Variants in STK33 observed in about 807,000 individuals in gnomAD.
STK33 encodes the protein serine/threonine-protein kinase 33.
In STK33, 52 loss-of-function variants were observed where a neutral mutation model predicts 58.0. That is an observed-to-expected ratio of 0.90 (90% CI 0.72 to 1.13). The LOEUF is 1.13. STK33 is among the 50% of genes most tolerant of loss of function. The pLI, the probability that STK33 is intolerant of heterozygous loss-of-function variation, is 0.00. For missense variants in STK33, 630 were observed against 604.2 expected (o/e 1.04, Z -0.45); for synonymous variants, 215 against 200.1 (o/e 1.07, Z -0.63).
the STK33 span, among the ~76,000 whole-genome samples, chr11:8,379,037 T>C: frequency 1.3e-5 from 2 of 151,964 alleles, no homozygotes; most frequent in African/African-American, 2.4e-5. Context: ...AAAACATAAA[T>C]TGGGGAAAGG....
At chr11:8,339,180 G>A in the STK33 span, among the ~76,000 whole-genome samples, 2 of 152,196 alleles carry the variant, frequency 1.3e-5, no homozygotes, top group Non-Finnish European at 2.9e-5. Context: ...CAAAGGAGGG[G>A]TTTGGGGAGC....
At chr11:8,530,340 C>T (rs1397249860) in intron 1 of STK33, among the ~76,000 whole-genome samples, 1 of 151,122 alleles carries the variant, frequency 6.6e-6, no homozygotes, top group Non-Finnish European at 1.5e-5. Flanking sequence ...AGTAAAAGCA[C>T]TCTAAAATAA....
At chr11:8,413,766 G>T (rs1054461825) in intron 14 of STK33, 74 bp from the exon 15 acceptor site, 17 of 1,322,304 alleles carry the variant, frequency 1.3e-5, no homozygotes, top group African/African-American at 2.9e-5. Flanking sequence ...CATTTAGCGA[G>T]ACAGTCTCCC....
intron 14 of STK33, among the ~76,000 whole-genome samples, chr11:8,422,461 AG>A (rs1590926372): frequency 6.6e-6 from 1 of 152,128 alleles, no homozygotes; most frequent in East Asian, 1.9e-4. Flanking sequence ...GCAGTTTAGA[AG>A]GTATAGTCTT....
At chr11:8,459,884 G>T (rs941604894) in intron 8 of STK33, among the ~76,000 whole-genome samples, 2 of 152,106 alleles carry the variant, frequency 1.3e-5, no homozygotes, top group African/African-American at 4.8e-5. Flanking sequence ...AGCTGGGGGG[G>T]AAATATGCAA....
intron 7 of STK33, among the ~76,000 whole-genome samples, chr11:8,462,587 C>T (rs904924750): frequency 3.3e-5 from 5 of 150,976 alleles, no homozygotes; most frequent in South Asian, 4.2e-4. Flanking sequence ...GGGAGAGAGA[C>T]GGAAAGAGAG....
intron 6 of STK33, among the ~76,000 whole-genome samples, chr11:8,470,668 A>C (rs1948693242): frequency 6.6e-6 from 1 of 152,102 alleles, no homozygotes; most frequent in African/African-American, 2.4e-5. Context: ...TCTTCCTTTC[A>C]CTTAAAACAC....
intron 1 of STK33, among the ~76,000 whole-genome samples, chr11:8,485,128 C>T (rs1950111155): frequency 6.6e-6 from 1 of 152,130 alleles, no homozygotes; most frequent in South Asian, 2.1e-4. Flanking sequence ...CTGAAAGCTA[C>T]TTTTGTTGAA....
At chr11:8,509,042 G>T (rs1029766927) in intron 1 of STK33, among the ~76,000 whole-genome samples, 1 of 151,480 alleles carries the variant, frequency 6.6e-6, no homozygotes, top group Non-Finnish European at 1.5e-5. Flanking sequence ...CTTGAGCCCA[G>T]GAGGCGGAGG....
chr11:8,564,141 G>C (rs1230866075), intron 1 of STK33, among the ~76,000 whole-genome samples: 2 of 152,174 alleles, frequency 1.3e-5, no homozygotes, highest in Non-Finnish European at 2.9e-5. Flanking sequence ...AATCAAGAGT[G>C]TAAAGTAGCA....
At chr11:8,431,722 T>G (rs2136171596) in intron 14 of STK33, among the ~76,000 whole-genome samples, 1 of 152,328 alleles carries the variant, frequency 6.6e-6, no homozygotes, top group Admixed American at 6.5e-5. Context: ...ATTAATAATT[T>G]CTTTAAGAGC....
chr11:8,362,128 CT>C, the STK33 span, among the ~76,000 whole-genome samples: 1 of 152,134 alleles, frequency 6.6e-6, no homozygotes, highest in East Asian at 1.9e-4. Context: ...GCAGCAGAGG[CT>C]TGGGAAGGGA....
intron 1 of STK33, among the ~76,000 whole-genome samples, chr11:8,506,783 A>C (rs1241591885): frequency 6.6e-6 from 1 of 152,076 alleles, no homozygotes; most frequent in East Asian, 1.9e-4. Flanking sequence ...TTTCCCTCTT[A>C]TATTTGTCAA....
chr11:8,345,636 G>C, the STK33 span, among the ~76,000 whole-genome samples: 1 of 152,352 alleles, frequency 6.6e-6, no homozygotes, highest in East Asian at 1.9e-4. Context: ...ACCTGTGTGG[G>C]GGACAGGCAG....
At chr11:8,493,595 T>G (rs1460656964) in intron 1 of STK33, among the ~76,000 whole-genome samples, 1 of 152,198 alleles carries the variant, frequency 6.6e-6, no homozygotes, top group Admixed American at 6.5e-5. Context: ...TAACTCATTT[T>G]ATGAGGCCAG....
intron 2 of STK33, among the ~76,000 whole-genome samples, chr11:8,479,517 G>C (rs557546423): frequency 6.6e-6 from 1 of 151,468 alleles, no homozygotes; most frequent in Admixed American, 6.6e-5. Context: ...CTTCCCTGTT[G>C]ATATCAGTCT....
chr11:8,583,846 T>C (rs1183279382), intron 1 of STK33, among the ~76,000 whole-genome samples: 1 of 152,146 alleles, frequency 6.6e-6, no homozygotes, highest in Non-Finnish European at 1.5e-5. Context: ...GAATGAAACA[T>C]TTGAGACAAT....
At chr11:8,540,986 CTCTCTCTCTATA>C (rs1955465892) in intron 1 of STK33, among the ~76,000 whole-genome samples, 1 of 138,296 alleles carries the variant, frequency 7.2e-6, no homozygotes, top group Non-Finnish European at 1.6e-5. Context: ...CTCTCTCTCT[CTCTCTCTCTATA>C]TATATATATA....
At chr11:8,443,643 C>T (rs974961636) in intron 11 of STK33, among the ~76,000 whole-genome samples, 1 of 151,474 alleles carries the variant, frequency 6.6e-6, no homozygotes, top group Non-Finnish European at 1.5e-5. Context: ...TATACAGCCT[C>T]CAATGCATTT....
Sources: gnomAD v4.1 joint callset for allele counts (sites outside exome capture counted in the v4.1 genomes callset) on GRCh38, gnomAD v4.1.1 for gene constraint, MANE v1.5 for transcripts, NCBI Gene and HGNC (gene_info 2026-07-23, HGNC 2026-07-21) for gene names.